C9orf152: variants seen among roughly 807,000 people sequenced by gnomAD.
C9orf152 encodes uncharacterized protein C9orf152.
A neutral mutation model predicts 8.5 loss-of-function variants in C9orf152; 8 were observed. The ratio of observed to expected loss-of-function variants is 0.94; its 90% CI spans 0.55 to 1.70. C9orf152 has a LOEUF of 1.70. Among genes scored for constraint, C9orf152 ranks in the 40% most tolerant of loss-of-function variants. The pLI is 0.00. For synonymous variants in C9orf152, 109 were observed against 113.0 expected (o/e 0.96, Z 0.22); for missense variants, 293 against 286.2 (o/e 1.02, Z -0.17).
chr9:110,203,075 C>T (rs951997159), intron 1 of C9orf152, among the ~76,000 whole-genome samples: 2 of 141,522 alleles, frequency 1.4e-5, no homozygotes, highest in African/African-American at 2.7e-5. Flanking sequence ...AGTGCAATGG[C>T]GCGATCTTGG....
At position 110,201,453 on chromosome 9, in the gene C9orf152, G is replaced by A; in HGVS notation, c.215C>T (p.Ala72Val). 2 of 1,514,822 alleles carry A rather than the reference G, an allele frequency of 1.3e-6. No individual in the cohort carries two copies. Among genetic ancestry groups the A allele is most frequent in the Non-Finnish European group, 1.8e-6 (2 of 1,139,642 alleles). 93.8% of individuals were successfully genotyped at this position (1,514,822 alleles called of 1,614,324 possible). A position where few individuals can be genotyped will look rare whatever the true frequency, so the allele number is the denominator to read the frequency against. ...CCAAACAGCATTGACCATCGATTCT[G>A]CAGGAGCAGGTGTGTTTCCTCCTGA... ...LPKGGNTPAP[A>V]ESMVNAVWIN... The change falls in exon 2 of 2, where the codon GCA becomes GTA. Residue 72 changes from alanine (A) to valine (V), a missense_variant. By Grantham distance (64) the Ala-to-Val change is moderately conservative. Transcript: ENST00000400613.
chr9:110,203,263 T>C (rs1400980371), intron 1 of C9orf152, among the ~76,000 whole-genome samples: 1 of 152,064 alleles, frequency 6.6e-6, no homozygotes, highest in Non-Finnish European at 1.5e-5. Context: ...GACCTTGTGA[T>C]CCGCCCGCCT....
rs747885283 is a variant in C9orf152, at chr9:110,207,542, T to A, written c.38A>T (p.His13Leu). Residue 13 changes from histidine to leucine, a missense_variant, in exon 1 of 2, where the codon CAC (histidine) becomes CTC (leucine). Transcript: ENST00000400613. ...GLPCPCPALP[H>L]FWQLRSHLMA... Reference sequence around the variant, plus strand: ...TAAGTGAGACCTAAGCTGCCAGAAGTGGGGCAGGGCTGGGCACGGGCAGGG... The same window carrying A: ...TAAGTGAGACCTAAGCTGCCAGAAGAGGGGCAGGGCTGGGCACGGGCAGGG... 4 of 1,602,042 alleles carry A rather than the reference T, an allele frequency of 2.5e-6. No individual in the cohort carries two copies. The highest frequency in any genetic ancestry group is 3.4e-5 in the Admixed American group (2 of 58,336).
In C9orf152 at chr9:110,200,601, C is replaced by A; in HGVS notation, c.*347G>T. 5.0e-6 allele frequency: 1 copy of A among 201,552 alleles called. No homozygotes were observed. The highest frequency in any genetic ancestry group is 5.6e-5 in the Admixed American group (1 of 17,746). The allele number at this position is 201,552 out of a possible 1,614,324, so 12.5% of individuals were successfully genotyped here. A position where few individuals can be genotyped will look rare whatever the true frequency, so the allele number is the denominator to read the frequency against. The stretch of plus-strand genomic sequence containing the variant: ...GCTAAGGCATTCTGTTGGCTAGGTC[C>A]CTGGTTTATGTTCCAAAATTATCCA... On this transcript the variant is annotated 3_prime_UTR_variant, in exon 2 of 2. Coordinates refer to ENST00000400613, the MANE Select transcript of C9orf152 (RefSeq NM_001012993.3).
At chr9:110,207,113 G>C (rs544229622) in intron 1 of C9orf152, among the ~76,000 whole-genome samples, 1 of 152,224 alleles carries the variant, frequency 6.6e-6, no homozygotes, top group Admixed American at 6.5e-5. Flanking sequence ...GGGCTAGCAG[G>C]GGGGCCAAGC....
At chr9:110,205,350 C>T (rs1187001407) in intron 1 of C9orf152, among the ~76,000 whole-genome samples, 1 of 152,158 alleles carries the variant, frequency 6.6e-6, no homozygotes, top group Admixed American at 6.5e-5. Flanking sequence ...GTATAGGGGA[C>T]AATTAATTGC....
At position 110,201,192 on chromosome 9, in the gene C9orf152, A is replaced by C. The variant is rs1032143477; in HGVS notation, c.476T>G (p.Leu159Trp). The change falls in exon 2 of 2, where the codon TTG becomes TGG. Residue 159 changes from leucine to tryptophan, a missense_variant. Physicochemically the swap from Leu to Trp is moderately conservative, Grantham distance 61. Coordinates refer to ENST00000400613, the MANE Select transcript of C9orf152 (RefSeq NM_001012993.3). ...CTGAGTCATCTGATTGGTTTCAAAC[A>C]AGTGTGTGTCTCCTTCAGGAGGGAG... is the stretch of plus-strand genomic sequence containing the variant. ...QRLPPEGDTH[L>W]FETNQMTQQG... 2.5e-6 allele frequency: 4 copies of C among 1,614,192 alleles called. No homozygotes were observed. The Admixed American group carries it at 6.7e-5, about 27-fold the overall frequency.
At chr9:110,207,359 T>A (rs1351634934) in intron 1 of C9orf152, 28 bp downstream of exon 1, 1 of 1,601,350 alleles carries the variant, frequency 6.2e-7, no homozygotes, top group Non-Finnish European at 8.5e-7. Flanking sequence ...GGTAAGTCTC[T>A]CCTTCCCCAG....
intron 1 of C9orf152, among the ~76,000 whole-genome samples, chr9:110,206,102 GA>G (rs1487965321): frequency 6.6e-6 from 1 of 151,562 alleles, no homozygotes; most frequent in African/African-American, 2.4e-5. Flanking sequence ...AAAGTGCCCT[GA>G]ATGACCCTGA....
intron 1 of C9orf152, among the ~76,000 whole-genome samples, chr9:110,204,614 T>C (rs1837255392): frequency 6.6e-6 from 1 of 152,206 alleles, no homozygotes; most frequent in Admixed American, 6.5e-5. Context: ...ATATGTTTAA[T>C]TGTGGTAAAA....
chr9:110,201,109 T>A lies in C9orf152; in HGVS notation c.559A>T (p.Thr187Ser). 1.9e-6 allele frequency: 3 copies of A among 1,614,222 alleles called. No individual in the cohort carries two copies. The highest frequency in any genetic ancestry group is 2.5e-6 in the Non-Finnish European group (3 of 1,180,046). The change falls in exon 2 of 2, where the codon ACA becomes TCA. Residue 187 changes from threonine to serine, a missense_variant. Thr to Ser is a moderately conservative substitution (Grantham distance 58, BLOSUM62 1). Coordinates refer to ENST00000400613, the MANE Select transcript of C9orf152 (RefSeq NM_001012993.3). ...TTTAAGCCAGATTCCACTGCCTTTG[T>A]TTGGGTATTGCCCACCTGGCATGGA... is the stretch of plus-strand genomic sequence containing the variant. ...QLPCQVGNTQ[T>S]KAVESGLKFS...
intron 1 of C9orf152, 30 bp from the exon 2 acceptor site, chr9:110,201,504 C>T (rs1320326764): frequency 6.7e-7 from 1 of 1,497,502 alleles, no homozygotes; most frequent in Non-Finnish European, 8.8e-7. Flanking sequence ...GCAGGGTCAT[C>T]ACTGGAAGGG....
rs772416281 is a variant in C9orf152, at chr9:110,201,141, G to A, written c.527C>T (p.Ala176Val). 2 of 1,614,200 alleles carry A rather than the reference G, an allele frequency of 1.2e-6. No individual in the cohort carries two copies. The highest frequency in any genetic ancestry group is 3.3e-5 in the Admixed American group (2 of 60,016). ...TQQGTGIPEA[A>V]QLPCQVGNTQ... ...ATTGCCCACCTGGCATGGAAGCTGG[G>A]CAGCCTCTGGGATTCCGGTTCCTTG... Residue 176 changes from alanine (A) to valine (V), a missense_variant, in exon 2 of 2, where the codon GCC becomes GTC. Physicochemically the swap from Ala to Val is moderately conservative, Grantham distance 64 (BLOSUM62 0). Coordinates refer to ENST00000400613, the MANE Select transcript of C9orf152 (RefSeq NM_001012993.3).
chr9:110,207,945 G>A lies in C9orf152; in HGVS notation c.-366C>T, dbSNP rs1262073708. 8.9e-6 allele frequency: 2 copies of A among 225,802 alleles called. No homozygotes were observed. Among genetic ancestry groups the A allele is most frequent in the African/African-American group, 4.7e-5 (2 of 42,596 alleles). The allele number at this position is 225,802 out of a possible 1,614,324, so 14.0% of individuals were successfully genotyped here. A position where few individuals can be genotyped will look rare whatever the true frequency, so the allele number is the denominator to read the frequency against. On this transcript the variant is annotated 5_prime_UTR_variant, in exon 1 of 2. Coordinates refer to ENST00000400613, the MANE Select transcript of C9orf152 (RefSeq NM_001012993.3). ...GAGGGAGGAAGATGGAGACAGGCAG[G>A]AGGAGGCAGGGAAAGGAGTGATGGG...
At position 110,207,603 on chromosome 9, in the gene C9orf152, A is replaced by G. The variant is rs1241806805; in HGVS notation, c.-24T>C. 14 of 1,356,658 alleles carry G rather than the reference A, an allele frequency of 1.0e-5. No individual in the cohort carries two copies. The highest frequency in any genetic ancestry group is 1.5e-5 in the African/African-American group (1 of 65,618). 84.0% of individuals were successfully genotyped at this position (1,356,658 alleles called of 1,614,324 possible). A position where few individuals can be genotyped will look rare whatever the true frequency, so the allele number is the denominator to read the frequency against. Reference sequence around the variant, plus strand: ...ATCCGGATCCGGGAGAAAAGCAAACACAGCTGGGTGGGGCAGGACCTGGGG... The same window carrying G: ...ATCCGGATCCGGGAGAAAAGCAAACGCAGCTGGGTGGGGCAGGACCTGGGG... On this transcript the variant is annotated 5_prime_UTR_variant, in exon 1 of 2. Transcript: ENST00000400613.
At chr9:110,207,358 C>T (rs1461061530) in intron 1 of C9orf152, 29 bp downstream of exon 1, 1 of 1,601,558 alleles carries the variant, frequency 6.2e-7, no homozygotes, top group Non-Finnish European at 8.5e-7. Context: ...TGGTAAGTCT[C>T]TCCTTCCCCA....
rs768448807 is a variant in C9orf152 at position 110,201,041 on chromosome 9, C to T, written c.627G>A (p.Arg209=). The change falls in exon 2 of 2, where the codon AGG becomes AGA. Residue 209 remains arginine (R), a synonymous_variant. Transcript: ENST00000400613. ...QCPLSIKNPH[R]SGKPAYYPFP... ...ATGGATAGTAAGCTGGTTTGCCAGA[C>T]CTGTGTGGGTTCTTTATGGAAAGAG... 4.3e-6 allele frequency: 7 copies of T among 1,614,182 alleles called. No homozygotes were observed. The South Asian group carries it at 6.6e-5, about 15-fold the overall frequency.
rs1335215106 is a variant in C9orf152, at chr9:110,200,039, G to T, written c.*909C>A. ...GTAGGAGCATTTCTTTGCCTCTTTT[G>T]TTCAGGATCTCATCATTATATATCG... On this transcript the variant is annotated 3_prime_UTR_variant, in exon 2 of 2. Coordinates refer to ENST00000400613, the MANE Select transcript of C9orf152 (RefSeq NM_001012993.3). The T allele has an allele frequency of 6.6e-6, 1 of 151,996 alleles. No individual in the cohort carries two copies. Among genetic ancestry groups the T allele is most frequent in the South Asian group, 2.1e-4 (1 of 4,816 alleles). 9.4% of individuals were successfully genotyped at this position (151,996 alleles called of 1,614,324 possible).
Position 110,201,397 on chromosome 9 carries a change from G to T in C9orf152, c.271C>A (p.Leu91Met), listed in dbSNP as rs778610464. 2 of 1,577,404 alleles carry T rather than the reference G, an allele frequency of 1.3e-6. No individual in the cohort carries two copies. The highest frequency in any genetic ancestry group is 1.7e-6 in the Non-Finnish European group (2 of 1,165,348). The change falls in exon 2 of 2, where the codon CTG (leucine) becomes ATG (methionine). Residue 91 changes from leucine to methionine, a missense_variant. By Grantham distance (15) the Leu-to-Met change is conservative (BLOSUM62 2). Coordinates refer to ENST00000400613, the MANE Select transcript of C9orf152 (RefSeq NM_001012993.3). Reference protein sequence around the residue: ...INKERRSSLSLEEADSEVEGR... With the variant: ...INKERRSSLSMEEADSEVEGR... Reference sequence around the variant, plus strand: ...TCCACCTCAGAATCTGCCTCTTCCAGGGACAGTGAGCTTCTTCTCTCCTTG... The same window carrying T: ...TCCACCTCAGAATCTGCCTCTTCCATGGACAGTGAGCTTCTTCTCTCCTTG...
Sources: gnomAD v4.1 joint callset for allele counts (sites outside exome capture counted in the v4.1 genomes callset) on GRCh38, gnomAD v4.1.1 for gene constraint, MANE v1.5 for transcripts, NCBI Gene and HGNC (gene_info 2026-07-23, HGNC 2026-07-21) for gene names.